The following BICC1 variants were observed in gnomAD, a reference collection of about 807,000 sequenced individuals.
The protein encoded by BICC1 is BicC family RNA binding protein 1, also known as protein bicaudal C homolog 1.
In BICC1, 43 loss-of-function variants were observed where a neutral mutation model predicts 111.0. That is an observed-to-expected ratio of 0.39 (90% CI 0.30 to 0.50). BICC1 has a LOEUF of 0.50. Ranked by LOEUF, BICC1 falls within the 20% of genes least tolerant of loss-of-function variation. BICC1 has a pLI of 0.88. For missense variants in BICC1, 1,091 were observed against 1,203.2 expected (o/e 0.91, Z 1.38); for synonymous variants, 467 against 434.4 (o/e 1.07, Z -0.93).
At chr10:58,810,398 C>T (rs898837323) in intron 17 of BICC1, among the ~76,000 whole-genome samples, 1 of 152,106 alleles carries the variant, frequency 6.6e-6, no homozygotes, top group African/African-American at 2.4e-5. Flanking sequence ...GGACATTAAC[C>T]ATGTAATCTG....
At chr10:58,755,015 C>T (rs1365279983) in intron 3 of BICC1, among the ~76,000 whole-genome samples, 1 of 152,126 alleles carries the variant, frequency 6.6e-6, no homozygotes, top group East Asian at 1.9e-4. Context: ...TTTTAAGTTA[C>T]ATCTGGTTTC....
intron 1 of BICC1, among the ~76,000 whole-genome samples, chr10:58,541,271 G>C (rs987627612): frequency 5.3e-5 from 8 of 152,008 alleles, no homozygotes; most frequent in Middle Eastern, 3.2e-3. Context: ...TCTTTTCATA[G>C]GTGACATGAT....
At chr10:58,554,913 T>C (rs1843401706) in intron 1 of BICC1, among the ~76,000 whole-genome samples, 1 of 151,854 alleles carries the variant, frequency 6.6e-6, no homozygotes, top group African/African-American at 2.4e-5. Context: ...TTTTATTTTC[T>C]TGTAAGCTTA....
intron 2 of BICC1, among the ~76,000 whole-genome samples, chr10:58,631,900 A>G (rs774348335): frequency 6.6e-6 from 1 of 152,194 alleles, no homozygotes; most frequent in African/African-American, 2.4e-5. Context: ...TCTTCCTGTT[A>G]TGTTTTCCTA....
intron 1 of BICC1, among the ~76,000 whole-genome samples, chr10:58,618,576 G>C (rs1322386831): frequency 6.6e-6 from 1 of 152,174 alleles, no homozygotes; most frequent in African/African-American, 2.4e-5. Context: ...GATTCCTCGA[G>C]TGTTCTTTCA....
At chr10:58,620,044 T>G (rs892483481) in intron 1 of BICC1, among the ~76,000 whole-genome samples, 2 of 152,196 alleles carry the variant, frequency 1.3e-5, no homozygotes, top group African/African-American at 4.8e-5. Context: ...TACACCTGAG[T>G]CAGAGTCCTG....
intron 1 of BICC1, among the ~76,000 whole-genome samples, chr10:58,585,786 T>A (rs1328660128): frequency 6.6e-6 from 1 of 152,216 alleles, no homozygotes; most frequent in Non-Finnish European, 1.5e-5. Context: ...TTCATTTAAT[T>A]GTAACAACTT....
intron 3 of BICC1, among the ~76,000 whole-genome samples, chr10:58,703,800 A>T (rs755730507): frequency 6.6e-6 from 1 of 152,246 alleles, no homozygotes; most frequent in Non-Finnish European, 1.5e-5. Context: ...TACTTAAAGA[A>T]TAAAATTAGC....
chr10:58,708,010 T>TTTTTTC (rs1840445701), intron 3 of BICC1, among the ~76,000 whole-genome samples: 1 of 146,728 alleles, frequency 6.8e-6, no homozygotes, highest in African/African-American at 2.5e-5. Flanking sequence ...TAATTTTTTT[T>TTTTTTC]TTTTTGTATT....
intron 3 of BICC1, among the ~76,000 whole-genome samples, chr10:58,703,452 G>A (rs748621024): frequency 5.9e-5 from 9 of 152,036 alleles, no homozygotes; most frequent in African/African-American, 1.9e-4. Flanking sequence ...GTGAGCCACC[G>A]CACCCAGCCT....
At chr10:58,798,821 G>A (rs574150991) in intron 11 of BICC1, among the ~76,000 whole-genome samples, 1 of 152,224 alleles carries the variant, frequency 6.6e-6, no homozygotes, top group East Asian at 1.9e-4. Flanking sequence ...TAACTTGCTG[G>A]TAGTCATTTA....
intron 3 of BICC1, among the ~76,000 whole-genome samples, chr10:58,743,466 ATT>A (rs5785344): frequency 1.4e-5 from 2 of 143,754 alleles, no homozygotes. Flanking sequence ...ATTTGCTGGG[ATT>A]TTTTTTTTTT....
At chr10:58,544,856 A>G (rs1047072481) in intron 1 of BICC1, among the ~76,000 whole-genome samples, 8 of 152,108 alleles carry the variant, frequency 5.3e-5, no homozygotes, top group African/African-American at 1.7e-4. Flanking sequence ...AATCAAGTTA[A>G]AGCAAGATCA....
intron 2 of BICC1, among the ~76,000 whole-genome samples, chr10:58,644,528 G>T (rs1838211772): frequency 2.0e-5 from 3 of 152,134 alleles, no homozygotes; most frequent in Non-Finnish European, 4.4e-5. Flanking sequence ...TTTGTTTAAG[G>T]CATGTGTATC....
chr10:58,539,815 A>G (rs1842915141), intron 1 of BICC1, among the ~76,000 whole-genome samples: 1 of 152,052 alleles, frequency 6.6e-6, no homozygotes, highest in Non-Finnish European at 1.5e-5. Flanking sequence ...ACTGCACACC[A>G]AAACAGCAGA....
At chr10:58,512,387 C>T (rs1842108076), upstream of BICC1, among the ~76,000 whole-genome samples, 1 of 152,074 alleles carries the variant, frequency 6.6e-6, no homozygotes, top group African/African-American at 2.4e-5. Flanking sequence ...CTTGTGGAAC[C>T]AACTGGGGCT....
intron 1 of BICC1, among the ~76,000 whole-genome samples, chr10:58,587,489 G>T (rs1236256440): frequency 6.6e-6 from 1 of 152,058 alleles, no homozygotes; most frequent in African/African-American, 2.4e-5. Context: ...AAAATCTTTA[G>T]CATAATAAAG....
chr10:58,650,601 C>G (rs1838416774), intron 2 of BICC1: 1 of 152,160 alleles, frequency 6.6e-6, no homozygotes, highest in Non-Finnish European at 1.5e-5. Flanking sequence ...CTACACTATT[C>G]TTATTCATGG....
At chr10:58,578,380 T>C (rs1435787632) in intron 1 of BICC1, among the ~76,000 whole-genome samples, 1 of 152,202 alleles carries the variant, frequency 6.6e-6, no homozygotes, top group African/African-American at 2.4e-5. Context: ...CTTTGTCTTT[T>C]CCAACGTCGG....
Sources: gnomAD v4.1 joint callset for allele counts (sites outside exome capture counted in the v4.1 genomes callset) on GRCh38, gnomAD v4.1.1 for gene constraint, MANE v1.5 for transcripts, NCBI Gene and HGNC (gene_info 2026-07-23, HGNC 2026-07-21) for gene names.